Variants in KIAA1958 observed in about 807,000 individuals in gnomAD.
The protein encoded by KIAA1958 is uncharacterized protein KIAA1958.
A neutral mutation model predicts 47.2 loss-of-function variants in KIAA1958; 14 were observed. The ratio of observed to expected loss-of-function variants is 0.30; its 90% CI spans 0.20 to 0.46. The LOEUF is 0.46. Ranked by LOEUF, KIAA1958 falls within the 20% of genes least tolerant of loss-of-function variation. The pLI is 1.00. For missense variants in KIAA1958, 803 were observed against 909.2 expected (o/e 0.88, Z 1.50); for synonymous variants, 354 against 353.3 (o/e 1.00, Z -0.02).
chr9:112,593,910 G>T (rs1835971301), intron 2 of KIAA1958, among the ~76,000 whole-genome samples: 1 of 151,716 alleles, frequency 6.6e-6, no homozygotes, highest in Non-Finnish European at 1.5e-5. Context: ...TGTCACCCAG[G>T]CTGGAGTCCA....
At chr9:112,571,113 C>T (rs1835526389) in intron 1 of KIAA1958, among the ~76,000 whole-genome samples, 1 of 152,194 alleles carries the variant, frequency 6.6e-6, no homozygotes, top group Non-Finnish European at 1.5e-5. Context: ...TTCACATAAT[C>T]CACTCAGACT....
At chr9:112,602,395 G>A (rs1449390706) in intron 2 of KIAA1958, among the ~76,000 whole-genome samples, 2 of 152,248 alleles carry the variant, frequency 1.3e-5, no homozygotes, top group Middle Eastern at 3.4e-3. Context: ...TACCAAGATC[G>A]TTTCCCTGAA....
intron 2 of KIAA1958, among the ~76,000 whole-genome samples, chr9:112,585,648 A>G (rs1835811684): frequency 6.6e-6 from 1 of 152,206 alleles, no homozygotes; most frequent in Admixed American, 6.5e-5. Context: ...GATGGCAGTA[A>G]TGCTCACATG....
At chr9:112,579,168 T>G (rs971382624) in intron 2 of KIAA1958, among the ~76,000 whole-genome samples, 4 of 152,130 alleles carry the variant, frequency 2.6e-5, no homozygotes, top group African/African-American at 9.7e-5. Context: ...ATATTGGAAA[T>G]ACATTTCCCA....
At chr9:112,630,091 G>A (rs543990577) in intron 2 of KIAA1958, among the ~76,000 whole-genome samples, 1 of 152,328 alleles carries the variant, frequency 6.6e-6, no homozygotes, top group South Asian at 2.1e-4. Flanking sequence ...TGAAGTTGGG[G>A]GGAAGCCCTG....
At chr9:112,535,856 TCTAC>T (rs1834846338) in intron 1 of KIAA1958, among the ~76,000 whole-genome samples, 1 of 152,224 alleles carries the variant, frequency 6.6e-6, no homozygotes, top group African/African-American at 2.4e-5. Flanking sequence ...CTTTTTTTCA[TCTAC>T]CTGTTGGCCA....
chr9:112,511,167 T>C (rs1244370022), intron 1 of KIAA1958, among the ~76,000 whole-genome samples: 1 of 151,976 alleles, frequency 6.6e-6, no homozygotes, highest in African/African-American at 2.4e-5. Context: ...AGTGGGAGAG[T>C]AAATATGGAT....
rs1283499430 is a variant in KIAA1958, at chr9:112,546,339, CA to C, written c.-24-27716del. Among the ~76,000 whole-genome samples the C allele has an allele frequency of 2.6e-5, 4 of 152,158 alleles. No individual in the cohort carries two copies. The East Asian group carries it at 7.7e-4, about 29-fold the overall frequency. On this transcript the variant is annotated intron_variant, in intron 1 of 3. Coordinates refer to ENST00000337530, the MANE Select transcript of KIAA1958 (RefSeq NM_133465.4). ...CTGATGGGGGAGGAACCCTCAGTTC[CA>C]AGAATTCCCTGCCCCTTTCCTAGAA...
intron 1 of KIAA1958, among the ~76,000 whole-genome samples, chr9:112,498,917 C>CT (rs1267167916): frequency 1.3e-5 from 2 of 152,222 alleles, no homozygotes; most frequent in African/African-American, 2.4e-5. Flanking sequence ...TTCCCAGCCT[C>CT]TAACACACAC....
At chr9:112,510,020 A>G (rs373324500) in intron 1 of KIAA1958, among the ~76,000 whole-genome samples, 18 of 152,340 alleles carry the variant, frequency 1.2e-4, no homozygotes, top group African/African-American at 3.8e-4. Flanking sequence ...CTTAATAACC[A>G]TCTGAGTGCT....
At chr9:112,554,705 G>A (rs778650519) in intron 1 of KIAA1958, among the ~76,000 whole-genome samples, 23 of 152,028 alleles carry the variant, frequency 1.5e-4, no homozygotes, top group Non-Finnish European at 1.9e-4. Flanking sequence ...CTGTGGTTTA[G>A]CTAAGAAACA....
chr9:112,556,273 TTCTC>T (rs1835240658), intron 1 of KIAA1958, among the ~76,000 whole-genome samples: 3 of 152,168 alleles, frequency 2.0e-5, no homozygotes, highest in Admixed American at 2.0e-4. Context: ...AGCTTTCGGT[TTCTC>T]TCTACCACGC....
intron 2 of KIAA1958, among the ~76,000 whole-genome samples, chr9:112,594,236 G>T (rs1307810686): frequency 6.6e-6 from 1 of 152,206 alleles, no homozygotes; most frequent in Non-Finnish European, 1.5e-5. Flanking sequence ...CTGGACAGCA[G>T]CAATTTCTGC....
intron 1 of KIAA1958, among the ~76,000 whole-genome samples, chr9:112,497,363 A>G (rs1385736780): frequency 1.3e-5 from 2 of 152,306 alleles, no homozygotes; most frequent in East Asian, 1.9e-4. Context: ...AAATGTGGAC[A>G]CAAAAAGAGA....
chr9:112,554,488 T>C (rs1427523743), intron 1 of KIAA1958, among the ~76,000 whole-genome samples: 1 of 116,544 alleles, frequency 8.6e-6, no homozygotes, highest in Non-Finnish European at 1.7e-5. Context: ...ACAGAATGAG[T>C]GAGACTCCAT....
chr9:112,510,992 C>T (rs548142042), intron 1 of KIAA1958, among the ~76,000 whole-genome samples: 1 of 151,990 alleles, frequency 6.6e-6, no homozygotes, highest in Non-Finnish European at 1.5e-5. Context: ...ACAGATAGAA[C>T]AGAGTGATCA....
chr9:112,589,398 ACCAGCCTG>A (rs1432815789), intron 2 of KIAA1958, among the ~76,000 whole-genome samples: 2 of 152,102 alleles, frequency 1.3e-5, no homozygotes, highest in East Asian at 3.9e-4. Context: ...GGAGTTCAAG[ACCAGCCTG>A]ACCAACATGG....
intron 1 of KIAA1958, among the ~76,000 whole-genome samples, chr9:112,547,605 T>C (rs1376429991): frequency 6.6e-6 from 1 of 151,738 alleles, no homozygotes; most frequent in Admixed American, 6.6e-5. Flanking sequence ...AACAGACTCT[T>C]TGTAGCAGTA....
At chr9:112,526,748 C>T (rs1262512799) in intron 1 of KIAA1958, among the ~76,000 whole-genome samples, 1 of 152,152 alleles carries the variant, frequency 6.6e-6, no homozygotes, top group Non-Finnish European at 1.5e-5. Flanking sequence ...AAGGTGGAAC[C>T]CGCATGGCCT....
Sources: gnomAD v4.1 joint callset for allele counts (sites outside exome capture counted in the v4.1 genomes callset) on GRCh38, gnomAD v4.1.1 for gene constraint, MANE v1.5 for transcripts, NCBI Gene and HGNC (gene_info 2026-07-23, HGNC 2026-07-21) for gene names.